Variants in NPSR1 observed in about 807,000 individuals in gnomAD.
NPSR1 encodes neuropeptide S receptor 1.
In NPSR1, 48 loss-of-function variants were observed where a neutral mutation model predicts 46.9. The ratio of observed to expected loss-of-function variants is 1.02; its 90% CI spans 0.81 to 1.30. NPSR1 has a LOEUF of 1.30. NPSR1 is among the 50% of genes most tolerant of loss of function. The probability of loss-of-function intolerance (pLI) is 0.00; values close to 1 mark genes in which losing one functional copy is unlikely to be tolerated. For missense variants in NPSR1, 450 were observed against 449.5 expected (o/e 1.00, Z -0.01); for synonymous variants, 176 against 168.1 (o/e 1.05, Z -0.36).
At chr7:34,662,772 G>A (rs1189816486) in intron 1 of NPSR1, among the ~76,000 whole-genome samples, 3 of 152,020 alleles carry the variant, frequency 2.0e-5, no homozygotes, top group Non-Finnish European at 2.9e-5. Context: ...AAACTCTACC[G>A]TGCAGTGTGT....
chr7:34,831,716 A>G (rs17789834), intron 5 of NPSR1, among the ~76,000 whole-genome samples: 19,131 of 152,104 alleles, frequency 0.13, 1,532 homozygotes, highest in South Asian at 0.19. Flanking sequence ...TGGGGAGGTT[A>G]TTAGCCCTGG....
rs1422840138 is a variant in NPSR1, at chr7:34,872,926, C to T, written c.1026-5150C>T. ...TGTGCTTCCCTTTTAAATATAAGTT[C>T]CAGTTTCAGGTCATTTCTTTGCTTG... On this transcript the variant is annotated intron_variant, in intron 8 of 8. Coordinates refer to the NPSR1 transcript ENST00000359791. Among the ~76,000 whole-genome samples the T allele has an allele frequency of 2.7e-5, 4 of 150,574 alleles. No individual in the cohort carries two copies. In the East Asian group the frequency reaches 7.7e-4, roughly 29 times the overall value.
intron 3 of NPSR1, among the ~76,000 whole-genome samples, chr7:34,783,521 A>G (rs181628130): frequency 4.6e-5 from 7 of 152,312 alleles, no homozygotes; most frequent in Admixed American, 2.6e-4. Context: ...GTAGGAACAT[A>G]GCCAAACTAT....
chr7:34,830,512 C>T (rs1358242956), intron 5 of NPSR1, among the ~76,000 whole-genome samples: 1 of 151,988 alleles, frequency 6.6e-6, no homozygotes, highest in Non-Finnish European at 1.5e-5. Context: ...GAAAGTAATG[C>T]CACTTTTCTT....
chr7:34,865,586 C>A (rs904856723), intron 8 of NPSR1, among the ~76,000 whole-genome samples: 14 of 151,772 alleles, frequency 9.2e-5, no homozygotes, highest in Non-Finnish European at 1.5e-4. Flanking sequence ...TCTTTTTGTG[C>A]AGCTCTTTTC....
chr7:34,816,089 G>A (rs565917854), intron 4 of NPSR1, among the ~76,000 whole-genome samples: 1 of 151,756 alleles, frequency 6.6e-6, no homozygotes, highest in South Asian at 2.1e-4. Context: ...ATGTAAATGG[G>A]CTAAATGCTC....
chr7:34,789,733 C>A (rs2128742306), intron 3 of NPSR1, among the ~76,000 whole-genome samples: 1 of 95,014 alleles, frequency 1.1e-5, no homozygotes, highest in East Asian at 2.9e-4. Flanking sequence ...GCAGAAGTTG[C>A]AGTGCGCAAA....
At chr7:34,774,649 T>G (rs1786862927) in intron 2 of NPSR1, among the ~76,000 whole-genome samples, 2 of 152,190 alleles carry the variant, frequency 1.3e-5, no homozygotes, top group South Asian at 4.1e-4. Context: ...GCATTCTGAT[T>G]CTTTCGCTTG....
At chr7:34,861,747 C>G (rs1375310610) in intron 8 of NPSR1, among the ~76,000 whole-genome samples, 2 of 151,836 alleles carry the variant, frequency 1.3e-5, no homozygotes, top group Non-Finnish European at 2.9e-5. Flanking sequence ...CAGAGCTAAG[C>G]ATGCTTGGTT....
At chr7:34,727,862 T>A (rs1784238000) in intron 2 of NPSR1, among the ~76,000 whole-genome samples, 1 of 152,152 alleles carries the variant, frequency 6.6e-6, no homozygotes, top group Non-Finnish European at 1.5e-5. Flanking sequence ...TGAGTGTAAC[T>A]GCCATTCTCC....
rs324994 is a variant in NPSR1 at position 34,786,506 on chromosome 7, T to G, written c.384+7941T>G. 8.6e-3 allele frequency among the ~76,000 whole-genome samples: 1,317 copies of G among 152,284 alleles called. 17 individuals carry two copies. The highest frequency in any genetic ancestry group is 0.031 in the African/African-American group (1,272 of 41,568). On this transcript the variant is annotated intron_variant, in intron 3 of 8. Coordinates refer to ENST00000360581, the MANE Select transcript of NPSR1 (RefSeq NM_207172.2). ...ATGTTGATACATTCACCTTCTCCCATAAATCATGAATGTTCTTAATGACAT... is the reference window on the plus strand; with the variant it reads ...ATGTTGATACATTCACCTTCTCCCAGAAATCATGAATGTTCTTAATGACAT...
intron 7 of NPSR1, among the ~76,000 whole-genome samples, chr7:34,846,421 T>A (rs1584137732): frequency 6.6e-6 from 1 of 152,250 alleles, no homozygotes; most frequent in Admixed American, 6.5e-5. Context: ...TGCCTACTTA[T>A]ACTACCTACC....
chr7:34,710,118 G>A (rs144403246), intron 2 of NPSR1, among the ~76,000 whole-genome samples: 1 of 152,194 alleles, frequency 6.6e-6, no homozygotes, highest in African/African-American at 2.4e-5. Flanking sequence ...TCAAGCCATA[G>A]CTTCCACGAT....
intron 3 of NPSR1, among the ~76,000 whole-genome samples, chr7:34,803,813 G>A (rs1434663277): frequency 6.7e-6 from 1 of 149,290 alleles, no homozygotes; most frequent in Admixed American, 6.7e-5. Context: ...TGAAAGAGGG[G>A]TCATCACTAC....
intron 2 of NPSR1, among the ~76,000 whole-genome samples, chr7:34,724,677 C>T (rs992303905): frequency 6.6e-6 from 1 of 152,084 alleles, no homozygotes; most frequent in Non-Finnish European, 1.5e-5. Context: ...GGGGTAAAAT[C>T]CCAGCTCTAT....
chr7:34,747,869 C>T (rs1294974789), intron 2 of NPSR1, among the ~76,000 whole-genome samples: 1 of 152,134 alleles, frequency 6.6e-6, no homozygotes, highest in African/African-American at 2.4e-5. Context: ...GATTCCAGGA[C>T]CCTATACCTG....
At chr7:34,812,713 G>A (rs571233837) in intron 4 of NPSR1, among the ~76,000 whole-genome samples, 2 of 152,246 alleles carry the variant, frequency 1.3e-5, no homozygotes, top group South Asian at 4.1e-4. Context: ...CACCCTGAAA[G>A]CAAATACAAA....
At chr7:34,672,248 G>A (rs1792094888) in intron 1 of NPSR1, among the ~76,000 whole-genome samples, 1 of 152,070 alleles carries the variant, frequency 6.6e-6, no homozygotes, top group Non-Finnish European at 1.5e-5. Flanking sequence ...TAACATCTGT[G>A]GTTTGCTATA....
intron 2 of NPSR1, among the ~76,000 whole-genome samples, chr7:34,736,482 T>TA (rs1249781277): frequency 6.6e-6 from 1 of 152,138 alleles, no homozygotes; most frequent in Non-Finnish European, 1.5e-5. Context: ...ACAACCCTGG[T>TA]AAAATCCTGC....
Sources: gnomAD v4.1 joint callset for allele counts (sites outside exome capture counted in the v4.1 genomes callset) on GRCh38, gnomAD v4.1.1 for gene constraint, MANE v1.5 for transcripts, NCBI Gene and HGNC (gene_info 2026-07-23, HGNC 2026-07-21) for gene names.